The following JCAD variants were observed in gnomAD, a reference collection of about 807,000 sequenced individuals.
JCAD encodes junctional cadherin 5 associated.
In JCAD, 40 loss-of-function variants were observed where a neutral mutation model predicts 98.0. The ratio of observed to expected loss-of-function variants is 0.41; its 90% CI spans 0.32 to 0.53. The LOEUF is 0.53. JCAD is among the 20% of genes least tolerant of loss of function. JCAD has a pLI of 0.31. For missense variants in JCAD, 1,705 were observed against 1,738.1 expected (o/e 0.98, Z 0.34); for synonymous variants, 691 against 682.3 (o/e 1.01, Z -0.20).
chr10:30,027,128 C>G lies in JCAD; in HGVS notation c.3020G>C (p.Ser1007Thr). Residue 1007 changes from serine (S) to threonine (T), a missense_variant, in exon 3 of 4, where the codon AGT becomes ACT. Around this residue, in one of 3 missense-constraint regions of JCAD, gnomAD observed 1,278 missense variants for 1,243.1 expected, o/e 1.03. Transcript: ENST00000375377. Reference protein sequence around the residue: ...REPQESPKITSAFSSVKPSEA... With the variant: ...REPQESPKITTAFSSVKPSEA... ...ACTTGGTTTCACAGAGCTGAAAGCA[C>G]TGGTGATTTTCGGACTTTCCTGGGG... is the stretch of plus-strand genomic sequence containing the variant. 1 of 1,614,212 alleles carries G rather than the reference C, an allele frequency of 6.2e-7. No individual in the cohort carries two copies.
intron 1 of JCAD, among the ~76,000 whole-genome samples, chr10:30,083,136 C>G (rs538901502): frequency 6.6e-6 from 1 of 152,152 alleles, no homozygotes; most frequent in South Asian, 2.1e-4. Flanking sequence ...GCATAGTTTT[C>G]CTATCCCCAT....
intron 3 of JCAD, 104 bp downstream of exon 3, chr10:30,025,999 T>C: frequency 1.5e-6 from 2 of 1,334,854 alleles, no homozygotes; most frequent in Non-Finnish European, 2.1e-6. Flanking sequence ...CAACTTGATC[T>C]TTTCTGAATA....
intron 1 of JCAD, among the ~76,000 whole-genome samples, chr10:30,096,283 T>C (rs1838367421): frequency 6.6e-6 from 1 of 152,180 alleles, no homozygotes; most frequent in South Asian, 2.1e-4. Context: ...AGCCTGGAGC[T>C]CAACTCCTGC....
rs1425908123 is a variant in JCAD at position 30,047,642 on chromosome 10, A to G, written c.171T>C (p.Arg57=). ...HEDGPAALAH[R]KTSAGKGHVS... ...CATGTCCTTTCCCCGCGGACGTCTT[A>G]CGATGTGCGAGGGCCGCAGGGCCAT... The change falls in exon 2 of 4, where the codon CGT becomes CGC. Residue 57 remains arginine, a synonymous_variant. Coordinates refer to ENST00000375377, the MANE Select transcript of JCAD (RefSeq NM_020848.4). 1 of 1,614,158 alleles carries G rather than the reference A, an allele frequency of 6.2e-7. No homozygotes were observed. The highest frequency in any genetic ancestry group is 1.1e-5 in the South Asian group (1 of 91,074).
intron 1 of JCAD, among the ~76,000 whole-genome samples, chr10:30,109,564 T>C (rs948915976): frequency 3.3e-5 from 5 of 152,174 alleles, no homozygotes; most frequent in Admixed American, 6.5e-5. Flanking sequence ...CACTCTGCTC[T>C]CCTTGTGGCT....
intron 1 of JCAD, among the ~76,000 whole-genome samples, chr10:30,095,911 G>T (rs1838359741): frequency 6.6e-6 from 1 of 152,202 alleles, no homozygotes; most frequent in Admixed American, 6.5e-5. Flanking sequence ...GAGACTTTTT[G>T]CAGGGGTTCT....
At position 30,017,302 on chromosome 10, in the gene JCAD, T is replaced by A. The variant is rs1836553991; in HGVS notation, c.*581A>T. 1 of 154,668 alleles carries A rather than the reference T, an allele frequency of 6.5e-6. No individual in the cohort carries two copies. The highest frequency in any genetic ancestry group is 1.4e-5 in the Non-Finnish European group (1 of 69,896). The allele number at this position is 154,668 out of a possible 1,614,324, so 9.6% of individuals were successfully genotyped here. On this transcript the variant is annotated 3_prime_UTR_variant, in exon 4 of 4. Transcript: ENST00000375377. ...TTTTCAGGAACTTAAAAGATATTGC[T>A]TTTATTCTCTGATGGCAAGTTACTT...
At position 30,017,511 on chromosome 10, in the gene JCAD, G is replaced by A; in HGVS notation, c.*372C>T. On this transcript the variant is annotated 3_prime_UTR_variant, in exon 4 of 4. Transcript: ENST00000375377. ...ACAGAGGGGAGCACACCATTCACAG[G>A]CCTTTCCAAAGCATTTGCTAGATCT... 1 of 328,968 alleles carries A rather than the reference G, an allele frequency of 3.0e-6. No homozygotes were observed. The highest frequency in any genetic ancestry group is 5.6e-6 in the Non-Finnish European group (1 of 177,066). 20.4% of individuals were successfully genotyped at this position (328,968 alleles called of 1,614,324 possible).
intron 2 of JCAD, among the ~76,000 whole-genome samples, chr10:30,039,679 C>T (rs538996733): frequency 2.0e-5 from 3 of 152,138 alleles, no homozygotes; most frequent in East Asian, 1.9e-4. Flanking sequence ...GCTCGGGGCA[C>T]GTGCAGAGGG....
chr10:30,029,829 G>T lies in JCAD; in HGVS notation c.319C>A (p.Pro107Thr). ...TAGGCTTGGTCGTTACCAGTCGGGG[G>T]ATGAGAGGACCATGCTGAGGGGGGT... ...NQPPSAWSSH[P>T]PTGNDQAYRR... The change falls in exon 3 of 4, where the codon CCC becomes ACC. Residue 107 changes from proline (P) to threonine (T), a missense_variant. This residue lies in a region of JCAD where 152 missense variants were observed against 148.0 expected (regional missense o/e 1.03). Transcript: ENST00000375377. 1.9e-6 allele frequency: 3 copies of T among 1,614,208 alleles called. No homozygotes were observed. The highest frequency in any genetic ancestry group is 3.3e-5 in the Admixed American group (2 of 60,032).
At chr10:30,063,283 G>A (rs548212503), upstream of JCAD, among the ~76,000 whole-genome samples, 3 of 152,286 alleles carry the variant, frequency 2.0e-5, no homozygotes, top group African/African-American at 7.2e-5. Context: ...GATGCCCAAT[G>A]TCCCCGCCTT....
intron 2 of JCAD, among the ~76,000 whole-genome samples, chr10:30,043,374 A>T (rs1428153845): frequency 6.6e-6 from 1 of 152,230 alleles, no homozygotes; most frequent in Non-Finnish European, 1.5e-5. Context: ...CTGGTCTTTA[A>T]ATCAGAAACT....
chr10:30,092,084 T>A (rs57077213), intron 1 of JCAD, among the ~76,000 whole-genome samples: 2 of 43,566 alleles, frequency 4.6e-5, no homozygotes, highest in South Asian at 7.2e-4. Flanking sequence ...TATATATATA[T>A]ATATAAAGTT....
rs977624890 is a variant in JCAD, at chr10:30,034,454, C to T, written c.282-4588G>A. Among the ~76,000 whole-genome samples the T allele has an allele frequency of 3.9e-5, 6 of 152,224 alleles. No individual in the cohort carries two copies. The East Asian group carries it at 5.8e-4, about 15-fold the overall frequency. On this transcript the variant is annotated intron_variant, in intron 2 of 3. Transcript: ENST00000375377. ...ACCTGTACTGTCTTAACACCGGGCA[C>T]GGTAGGAGGTCACAATTTCTGTGTT... is the stretch of plus-strand genomic sequence containing the variant.
At chr10:30,042,665 G>A (rs2132637468) in intron 2 of JCAD, among the ~76,000 whole-genome samples, 1 of 152,266 alleles carries the variant, frequency 6.6e-6, no homozygotes, top group Non-Finnish European at 1.5e-5. Context: ...GAGTCCCCAG[G>A]GGAATAACCC....
upstream of JCAD, among the ~76,000 whole-genome samples, chr10:30,062,532 G>T (rs936004617): frequency 2.6e-5 from 4 of 152,164 alleles, no homozygotes; most frequent in Admixed American, 2.6e-4. Context: ...AGGAAAGAGG[G>T]TGTATTATTC....
In JCAD at chr10:30,069,388, A is replaced by C. The variant is rs563703871; in HGVS notation, n.250+312T>G. On this transcript the variant is annotated intron_variant and non_coding_transcript_variant, in intron 2 of 2. Coordinates refer to the JCAD transcript ENST00000465712. ...TGAGGCAGGAGGATTGCTTGAGCCC[A>C]GAAGTTCAAGACCAGTCTGGGCAAC... Among the ~76,000 whole-genome samples, 657 of 149,328 alleles carry C rather than the reference A, an allele frequency of 4.4e-3. 3 individuals are homozygous for C. Among genetic ancestry groups the C allele is most frequent in the Non-Finnish European group, 6.6e-3 (444 of 67,460 alleles).
Position 30,026,643 on chromosome 10 carries a change from C to G in JCAD, c.3505G>C (p.Ala1169Pro), listed in dbSNP as rs771149669. 3.7e-5 allele frequency: 59 copies of G among 1,613,038 alleles called. No individual in the cohort carries two copies. In the East Asian group the frequency reaches 1.2e-3, roughly 33 times the overall value. The change falls in exon 3 of 4, where the codon GCT (alanine) becomes CCT (proline). Residue 1169 changes from alanine (A) to proline (P), a missense_variant. By Grantham distance (27) the Ala-to-Pro change is conservative. This residue lies in a region of JCAD where 1,278 missense variants were observed against 1,243.1 expected (regional missense o/e 1.03). Transcript: ENST00000375377. The stretch of plus-strand genomic sequence containing the variant: ...TCTGAGTGCTCAAAAGCCTGAGGAG[C>G]CCGCCTGGCACTGTCCCTGTCCCCT... ...FVGDRDSARR[A>P]PQAFEHSDVD...
rs774088419 is a variant in JCAD at position 30,028,790 on chromosome 10, T to C, written c.1358A>G (p.Tyr453Cys). The C allele has an allele frequency of 1.1e-5, 17 of 1,614,122 alleles. No homozygotes were observed. The African/African-American group carries it at 1.6e-4, about 15-fold the overall frequency. The stretch of plus-strand genomic sequence containing the variant: ...TTGAGCAGTGACAGGACTGGAGTTA[T>C]ATGATTTATCGTCAAGCTTTATGTC... ...CEDIKLDDKS[Y>C]NSSPVTAQEP... is the part of the protein sequence containing the mutation. The change falls in exon 3 of 4, where the codon TAT becomes TGT. Residue 453 changes from tyrosine to cysteine, a missense_variant. By Grantham distance (194) the Tyr-to-Cys change is radical. This residue lies in a region of JCAD where 1,278 missense variants were observed against 1,243.1 expected (regional missense o/e 1.03). Coordinates refer to ENST00000375377, the MANE Select transcript of JCAD (RefSeq NM_020848.4).
Sources: gnomAD v4.1 joint callset for allele counts (sites outside exome capture counted in the v4.1 genomes callset) on GRCh38, gnomAD v4.1.1 for gene constraint, gnomAD v4.1.1 regional missense constraint, MANE v1.5 for transcripts, NCBI Gene and HGNC (gene_info 2026-07-23, HGNC 2026-07-21) for gene names.